TCN2: variants seen among roughly 807,000 people sequenced by gnomAD.
The protein encoded by TCN2 is transcobalamin 2.
TCN2 carries 34 observed loss-of-function variants against 48.6 expected under a neutral mutation model. That is an observed-to-expected ratio of 0.70 (90% CI 0.53 to 0.93). The LOEUF (loss-of-function observed/expected upper bound fraction) is 0.93. TCN2 is among the 40% of genes least tolerant of loss of function. The pLI, the probability that TCN2 is intolerant of heterozygous loss-of-function variation, is 0.00. For missense variants in TCN2, 652 were observed against 526.1 expected (o/e 1.24, Z -2.34); for synonymous variants, 283 against 212.5 (o/e 1.33, Z -2.89).
At chr22:30,617,897 C>T (rs1034183330) in intron 7 of TCN2, among the ~76,000 whole-genome samples, 4 of 152,222 alleles carry the variant, frequency 2.6e-5, no homozygotes, top group Admixed American at 6.5e-5. Context: ...AAGCGCTCAA[C>T]ACAGCGTTGC....
At chr22:30,617,688 TGA>T in intron 7 of TCN2, 193 bp downstream of exon 7, 4 of 745,240 alleles carry the variant, frequency 5.4e-6, no homozygotes, top group Non-Finnish European at 8.8e-6. Flanking sequence ...GCATTGTCAC[TGA>T]GAGAGCAGGC....
Position 30,626,682 on chromosome 22 carries a change from C to T in TCN2, c.*161C>T. On this transcript the variant is annotated 3_prime_UTR_variant, in exon 9 of 9. Coordinates refer to ENST00000215838, the MANE Select transcript of TCN2 (RefSeq NM_000355.4). The stretch of plus-strand genomic sequence containing the variant: ...CCCCAGCCACAAGCCCTTCGAGGGC[C>T]CTATACCATGGCCCACCTTGGAGCA... 1.3e-6 allele frequency: 1 copy of T among 774,876 alleles called. No homozygotes were observed. Among genetic ancestry groups the T allele is most frequent in the South Asian group, 1.5e-5 (1 of 66,400 alleles). The allele number at this position is 774,876 out of a possible 1,614,324, so 48.0% of individuals were successfully genotyped here. A position where few individuals can be genotyped will look rare whatever the true frequency, so the allele number is the denominator to read the frequency against.
intron 2 of TCN2, among the ~76,000 whole-genome samples, chr22:30,612,589 A>G (rs2087558273): frequency 6.6e-6 from 1 of 152,080 alleles, no homozygotes; most frequent in African/African-American, 2.4e-5. Context: ...ATAAAAAAGG[A>G]GGGGGCATAT....
In TCN2 at chr22:30,617,317, C is replaced by G; in HGVS notation, c.941-13C>G. ...CCTCACACCAGCTGCCCGCCCCTTT[C>G]TTCCTGGCACAGTCATGTTGGAACC... On this transcript the variant is annotated splice_polypyrimidine_tract_variant and intron_variant, in intron 6 of 8. Coordinates refer to ENST00000215838, the MANE Select transcript of TCN2 (RefSeq NM_000355.4). The G allele has an allele frequency of 6.2e-7, 1 of 1,614,176 alleles. No individual in the cohort carries two copies. Among genetic ancestry groups the G allele is most frequent in the Non-Finnish European group, 8.5e-7 (1 of 1,180,022 alleles).
chr22:30,626,338 A>G, intron 8 of TCN2, 122 bp from the exon 9 acceptor site: 1 of 1,063,734 alleles, frequency 9.4e-7, no homozygotes, highest in South Asian at 1.3e-5. Context: ...CCAGCTTCCC[A>G]CCACCAAGCC....
At position 30,626,792 on chromosome 22, in the gene TCN2, T is replaced by C; in HGVS notation, c.*271T>C. 1.8e-6 allele frequency: 1 copy of C among 564,972 alleles called. No individual in the cohort carries two copies. The highest frequency in any genetic ancestry group is 3.2e-6 in the Non-Finnish European group (1 of 313,924). 35.0% of individuals were successfully genotyped at this position (564,972 alleles called of 1,614,324 possible). On this transcript the variant is annotated 3_prime_UTR_variant, in exon 9 of 9. Transcript: ENST00000215838. Reference sequence around the variant, plus strand: ...CAGGTCTCCCATGAAGGCCACCCCATGGTCTGATGGGCATGAAGCATCTCA... The same window carrying C: ...CAGGTCTCCCATGAAGGCCACCCCACGGTCTGATGGGCATGAAGCATCTCA...
At chr22:30,623,749 CATATATATGTATAT>C (rs2087737769) in intron 8 of TCN2, among the ~76,000 whole-genome samples, 2 of 84,164 alleles carry the variant, frequency 2.4e-5, no homozygotes, top group African/African-American at 1.1e-4. Context: ...TATATACACA[CATATATATGTATAT>C]ATATATACAC....
chr22:30,612,764 T>G, intron 2 of TCN2, 109 bp from the exon 3 acceptor site: 2 of 1,392,350 alleles, frequency 1.4e-6, no homozygotes, highest in South Asian at 1.2e-5. Flanking sequence ...TATCAAAGTT[T>G]CCCACTGTTA....
intron 8 of TCN2, chr22:30,623,289 C>T (rs1318273725): frequency 6.3e-6 from 3 of 479,656 alleles, no homozygotes; most frequent in Non-Finnish European, 1.1e-5. Flanking sequence ...GGAAACCAGA[C>T]AGATTACAAA....
chr22:30,612,119 C>G (rs1020520002), intron 2 of TCN2, among the ~76,000 whole-genome samples: 1 of 151,936 alleles, frequency 6.6e-6, no homozygotes, highest in Non-Finnish European at 1.5e-5. Flanking sequence ...GTGACTCATG[C>G]CTGTGGTCCC....
rs1569041739 is a variant in TCN2 at position 30,615,749 on chromosome 22, A to AC, written c.903dup (p.Ile302HisfsTer2). The AC allele has an allele frequency of 6.2e-7, 1 of 1,614,174 alleles. No homozygotes were observed. The highest frequency in any genetic ancestry group is 8.5e-7 in the Non-Finnish European group (1 of 1,180,022). On this transcript the variant is annotated frameshift_variant, in exon 6 of 9. Transcript: ENST00000215838. LOFTEE classifies it high-confidence loss of function. ...CTGCCCGTTCTGAACCACAAGACCT[A>AC]CATTGATCTGATCTTCCCAGACTGT...
intron 7 of TCN2, among the ~76,000 whole-genome samples, chr22:30,621,541 G>T (rs548968436): frequency 1.1e-3 from 170 of 152,206 alleles, no homozygotes; most frequent in Non-Finnish European, 2.0e-3. Context: ...GGAGTGCAGT[G>T]GTGCGACCTC....
chr22:30,615,128 G>A (rs1002893981), intron 4 of TCN2, among the ~76,000 whole-genome samples, 173 bp from the exon 5 acceptor site: 4 of 152,170 alleles, frequency 2.6e-5, no homozygotes, highest in Admixed American at 2.6e-4. Flanking sequence ...GACAAGGAAA[G>A]TCTTGGGCAG....
intron 4 of TCN2, 41 bp downstream of exon 4, chr22:30,614,542 C>G (rs1261983617): frequency 1.2e-6 from 2 of 1,612,924 alleles, no homozygotes; most frequent in Non-Finnish European, 1.7e-6. Flanking sequence ...CTGGCACTCC[C>G]TCAGTCCCCA....
chr22:30,615,021 T>C (rs568866011), intron 4 of TCN2, among the ~76,000 whole-genome samples: 16 of 152,268 alleles, frequency 1.1e-4, no homozygotes, highest in African/African-American at 3.6e-4. Flanking sequence ...CTCCAGTCCT[T>C]CTCCCTAACC....
intron 8 of TCN2, among the ~76,000 whole-genome samples, chr22:30,624,946 G>T (rs886730118): frequency 7.2e-5 from 11 of 152,238 alleles, no homozygotes; most frequent in Non-Finnish European, 1.6e-4. Context: ...GCCGGGTGCG[G>T]TGGCTCATGC....
intron 2 of TCN2, among the ~76,000 whole-genome samples, chr22:30,611,966 G>C (rs988929327): frequency 6.6e-6 from 1 of 152,160 alleles, no homozygotes; most frequent in African/African-American, 2.4e-5. Context: ...ACTAGGCATA[G>C]TGGCTCATAC....
chr22:30,614,093 C>G (rs756220265), intron 3 of TCN2, among the ~76,000 whole-genome samples: 2 of 152,220 alleles, frequency 1.3e-5, no homozygotes, highest in African/African-American at 4.8e-5. Flanking sequence ...GTTGCAATTG[C>G]AGTCGCATGA....
At chr22:30,626,190 C>T (rs973570738) in intron 8 of TCN2, among the ~76,000 whole-genome samples, 3 of 152,290 alleles carry the variant, frequency 2.0e-5, no homozygotes, top group Admixed American at 6.5e-5. Context: ...GCGCAAGTTT[C>T]TCTTCCTGAT....
Sources: gnomAD v4.1 joint callset for allele counts (sites outside exome capture counted in the v4.1 genomes callset) on GRCh38, gnomAD v4.1.1 for gene constraint, MANE v1.5 for transcripts, NCBI Gene and HGNC (gene_info 2026-07-23, HGNC 2026-07-21) for gene names.